PIK3CA: variants seen among roughly 807,000 people sequenced by gnomAD.
The protein encoded by PIK3CA is phosphatidylinositol 4,5-bisphosphate 3-kinase catalytic subunit alpha isoform.
A neutral mutation model predicts 138.2 loss-of-function variants in PIK3CA; 27 were observed. The observed-to-expected ratio is 0.20, with a 90% CI of 0.14 to 0.27. The LOEUF (loss-of-function observed/expected upper bound fraction) is 0.27, where lower values mean the gene tolerates loss of function less well. PIK3CA is among the 10% of genes least tolerant of loss of function. The probability of loss-of-function intolerance (pLI) is 1.00; values close to 1 mark genes in which losing one functional copy is unlikely to be tolerated. For missense variants in PIK3CA, 544 were observed against 1,277.4 expected (o/e 0.43, Z 8.75); for synonymous variants, 358 against 413.2 (o/e 0.87, Z 1.62).
At chr3:179,182,380 A>T (rs989870724) in intron 1 of PIK3CA, among the ~76,000 whole-genome samples, 1 of 152,192 alleles carries the variant, frequency 6.6e-6, no homozygotes, top group African/African-American at 2.4e-5. Context: ...TAAGAGTGGC[A>T]GTATTGGCTG....
chr3:179,203,176 G>A (rs574234242), intron 4 of PIK3CA, among the ~76,000 whole-genome samples: 27 of 151,926 alleles, frequency 1.8e-4, no homozygotes, highest in Admixed American at 6.6e-4. Flanking sequence ...TCCTGACCTC[G>A]TGATCCGCCC....
At chr3:179,162,704 A>G (rs1036282106) in intron 1 of PIK3CA, among the ~76,000 whole-genome samples, 4 of 152,214 alleles carry the variant, frequency 2.6e-5, no homozygotes, top group Admixed American at 2.6e-4. Context: ...CAGAAAATAT[A>G]AAATTATAAA....
chr3:179,236,914 G>A lies in PIK3CA; in HGVS notation c.*2550G>A, dbSNP rs144309104. The A allele has an allele frequency of 1.9e-3, 394 of 205,804 alleles. No individual in the cohort carries two copies. Among genetic ancestry groups the A allele is most frequent in the Non-Finnish European group, 3.4e-3 (340 of 100,622 alleles). 12.7% of individuals were successfully genotyped at this position (205,804 alleles called of 1,614,324 possible). A position where few individuals can be genotyped will look rare whatever the true frequency, so the allele number is the denominator to read the frequency against. On this transcript the variant is annotated 3_prime_UTR_variant, in exon 21 of 21. Coordinates refer to ENST00000263967, the MANE Select transcript of PIK3CA (RefSeq NM_006218.4). ...ACTTCAGTATCAGAGATCAGTTCTC[G>A]TGGTTTAGACAGTTCCTATCTATAG...
At chr3:179,167,601 TTAAC>T (rs1033191351) in intron 1 of PIK3CA, among the ~76,000 whole-genome samples, 3 of 152,154 alleles carry the variant, frequency 2.0e-5, no homozygotes, top group African/African-American at 7.2e-5. Context: ...CTCTTTCTTT[TTAAC>T]TATAGATAGA....
At chr3:179,217,393 AG>A (rs1484860459) in intron 9 of PIK3CA, among the ~76,000 whole-genome samples, 2 of 152,164 alleles carry the variant, frequency 1.3e-5, no homozygotes, top group African/African-American at 4.8e-5. Context: ...CAAGGTACAT[AG>A]TACATATTTA....
rs146531463 is a variant in PIK3CA at position 179,182,395 on chromosome 3, C to T, written c.-76-16355C>T. On this transcript the variant is annotated intron_variant, in intron 1 of 20. Transcript: ENST00000263967. ...TAAGAGTGGCAGTATTGGCTGGGTG[C>T]TATGACTCATGCCTCTAATCCCAGC... Among the ~76,000 whole-genome samples, 37 of 152,224 alleles carry T rather than the reference C, an allele frequency of 2.4e-4. No individual in the cohort carries two copies. In the East Asian group the frequency reaches 6.4e-3, roughly 26 times the overall value.
intron 1 of PIK3CA, among the ~76,000 whole-genome samples, chr3:179,160,575 T>C (rs1332503725): frequency 6.6e-6 from 1 of 152,226 alleles, no homozygotes; most frequent in African/African-American, 2.4e-5. Context: ...CCTGCAGATA[T>C]GGCAACAAGA....
At chr3:179,166,480 A>G (rs538119268) in intron 1 of PIK3CA, among the ~76,000 whole-genome samples, 6 of 152,334 alleles carry the variant, frequency 3.9e-5, no homozygotes, top group Non-Finnish European at 8.8e-5. Flanking sequence ...TAAAAATAAA[A>G]TAATGCCTAT....
intron 1 of PIK3CA, among the ~76,000 whole-genome samples, chr3:179,152,757 A>G (rs1258458805): frequency 6.6e-6 from 1 of 152,154 alleles, no homozygotes; most frequent in East Asian, 1.9e-4. Flanking sequence ...TTAGCACTGC[A>G]GGTGTGATTA....
chr3:179,155,491 G>GA (rs773743921), intron 1 of PIK3CA, among the ~76,000 whole-genome samples: 3 of 151,040 alleles, frequency 2.0e-5, no homozygotes, highest in Admixed American at 6.6e-5. Context: ...AAAATATTAG[G>GA]AAAAAAAAGG....
At chr3:179,202,887 A>G (rs1316037345) in intron 4 of PIK3CA, among the ~76,000 whole-genome samples, 1 of 151,050 alleles carries the variant, frequency 6.6e-6, no homozygotes, top group Non-Finnish European at 1.5e-5. Flanking sequence ...AAGTGATATT[A>G]CTTTTCTGTT....
In PIK3CA at chr3:179,219,074, A is replaced by G; in HGVS notation, c.1665-122A>G. Reference sequence around the variant, plus strand: ...AAACACTGATGTCTTTTGAATTTTAAAAAAGCTAGTAATGTAAGAAGTTTG... The same window carrying G: ...AAACACTGATGTCTTTTGAATTTTAGAAAAGCTAGTAATGTAAGAAGTTTG... On this transcript the variant is annotated intron_variant, in intron 10 of 20. Coordinates refer to ENST00000263967, the MANE Select transcript of PIK3CA (RefSeq NM_006218.4). The surrounding 1 kb of genome is among the most constrained non-coding windows in gnomAD (Gnocchi z 4.2). 1.8e-6 allele frequency: 1 copy of G among 567,904 alleles called. No homozygotes were observed. Among genetic ancestry groups the G allele is most frequent in the South Asian group, 2.8e-5 (1 of 36,250 alleles). 35.2% of individuals were successfully genotyped at this position (567,904 alleles called of 1,614,324 possible).
intron 1 of PIK3CA, among the ~76,000 whole-genome samples, chr3:179,158,285 T>C (rs2108352387): frequency 6.6e-6 from 1 of 152,278 alleles, no homozygotes; most frequent in East Asian, 1.9e-4. Flanking sequence ...AGTTAGCATA[T>C]GGATATTTAG....
intron 1 of PIK3CA, among the ~76,000 whole-genome samples, chr3:179,182,959 C>G (rs1179335034): frequency 1.3e-5 from 2 of 152,192 alleles, no homozygotes; most frequent in African/African-American, 4.8e-5. Context: ...CATGACTTCA[C>G]ATTGTTGTTG....
At chr3:179,163,570 G>A (rs373057994) in intron 1 of PIK3CA, among the ~76,000 whole-genome samples, 37 of 152,086 alleles carry the variant, frequency 2.4e-4, no homozygotes, top group African/African-American at 8.2e-4. Context: ...TAAAAGATGT[G>A]CAGACCAGGA....
In PIK3CA at chr3:179,229,302, T is replaced by C. The variant is rs1305534919; in HGVS notation, c.2526T>C (p.Gly842=). The change falls in exon 18 of 21, where the codon GGT becomes GGC. Residue 842 remains glycine, a synonymous_variant. Coordinates refer to ENST00000263967, the MANE Select transcript of PIK3CA (RefSeq NM_006218.4). The stretch of plus-strand genomic sequence containing the variant: ...TACCTTATGGTTGTCTGTCAATCGG[T>C]GACTGTGTGGGACTTATTGAGGTGG... ...RMLPYGCLSI[G]DCVGLIEVVR... is the part of the protein sequence containing the mutation. The C allele has an allele frequency of 1.2e-6, 2 of 1,612,610 alleles. No individual in the cohort carries two copies. The highest frequency in any genetic ancestry group is 1.6e-4 in the Middle Eastern group (1 of 6,072).
chr3:179,226,056 G>C lies in PIK3CA; in HGVS notation c.2495+16G>C, dbSNP rs1193553351. 5 of 1,408,744 alleles carry C rather than the reference G, an allele frequency of 3.5e-6. No individual in the cohort carries two copies. The highest frequency in any genetic ancestry group is 5.0e-6 in the Non-Finnish European group (5 of 995,046). 87.3% of individuals were successfully genotyped at this position (1,408,744 alleles called of 1,614,324 possible). ...TTGATCTTCGGTAGGTAACCAGTAA[G>C]GCAACCTGTATGTTGAAAGTTATCC... On this transcript the variant is annotated intron_variant, in intron 17 of 20. Transcript: ENST00000263967.
At chr3:179,164,283 G>A (rs574440876) in intron 1 of PIK3CA, among the ~76,000 whole-genome samples, 1 of 152,090 alleles carries the variant, frequency 6.6e-6, no homozygotes, top group Non-Finnish European at 1.5e-5. Flanking sequence ...TCTGTGCACC[G>A]CTATATTTCC....
Position 179,230,515 on chromosome 3 carries a change from G to GATT in PIK3CA, c.2936+140_2936+141insTTA. The GATT allele has an allele frequency of 1.4e-6, 1 of 690,092 alleles. No individual in the cohort carries two copies. Among genetic ancestry groups the GATT allele is most frequent in the Non-Finnish European group, 2.4e-6 (1 of 419,354 alleles). The allele number at this position is 690,092 out of a possible 1,614,324, so 42.7% of individuals were successfully genotyped here. A position where few individuals can be genotyped will look rare whatever the true frequency, so the allele number is the denominator to read the frequency against. ...CATGCCTGTAATCCCAACTCTTTGG[G>GATT]AGGCCGAGGCTGGAGGATCACTTGA... On this transcript the variant is annotated intron_variant, in intron 20 of 20. Transcript: ENST00000263967. The surrounding 1 kb of genome is among the most constrained non-coding windows in gnomAD (Gnocchi z 5.4).
Sources: gnomAD v4.1 joint callset for allele counts (sites outside exome capture counted in the v4.1 genomes callset) on GRCh38, gnomAD v4.1.1 for gene constraint, Gnocchi (gnomAD v3.1) non-coding constraint, MANE v1.5 for transcripts, NCBI Gene and HGNC (gene_info 2026-07-23, HGNC 2026-07-21) for gene names.